RELCH: variants seen among roughly 807,000 people sequenced by gnomAD.
The protein encoded by RELCH is RAB11-binding protein RELCH.
RELCH carries 41 observed loss-of-function variants against 150.3 expected under a neutral mutation model. The observed-to-expected ratio is 0.27, with a 90% CI of 0.21 to 0.35. RELCH has a LOEUF of 0.35. RELCH is among the 10% of genes least tolerant of loss of function. RELCH has a pLI of 1.00. For synonymous variants in RELCH, 478 were observed against 531.8 expected (o/e 0.90, Z 1.39); for missense variants, 1,092 against 1,467.8 (o/e 0.74, Z 4.18).
At chr18:62,260,417 G>A (rs941984677) in intron 15 of RELCH, among the ~76,000 whole-genome samples, 1 of 151,022 alleles carries the variant, frequency 6.6e-6, no homozygotes, top group African/African-American at 2.4e-5. Flanking sequence ...TGGAGAAAGG[G>A]GAACCTTCGT....
At chr18:62,283,648 A>G (rs2044641320) in intron 25 of RELCH, among the ~76,000 whole-genome samples, 1 of 152,146 alleles carries the variant, frequency 6.6e-6, no homozygotes, top group South Asian at 2.1e-4. Flanking sequence ...ATTTTTTTTC[A>G]CTAGGTAAGT....
intron 10 of RELCH, among the ~76,000 whole-genome samples, chr18:62,235,664 T>G (rs2041842146): frequency 6.6e-6 from 1 of 152,056 alleles, no homozygotes; most frequent in African/African-American, 2.4e-5. Flanking sequence ...CTTTCACTTC[T>G]TTGGCTAAAT....
chr18:62,187,875 C>T lies in RELCH; in HGVS notation c.370C>T (p.Leu124=), dbSNP rs1378248173. The T allele has an allele frequency of 6.3e-7, 1 of 1,593,166 alleles. No individual in the cohort carries two copies. The highest frequency in any genetic ancestry group is 1.8e-5 in the Admixed American group (1 of 55,742). ...CGAGCTGTTAGAGAGTGGCCGGGAGCTGCCTCGGCTGCGCGACTACTTCTC... is the reference window on the plus strand; with the variant it reads ...CGAGCTGTTAGAGAGTGGCCGGGAGTTGCCTCGGCTGCGCGACTACTTCTC... The part of the protein sequence containing the change: ...HTELLESGRE[L]PRLRDYFSNP... The change falls in exon 1 of 29, where the codon CTG becomes TTG. Residue 124 remains leucine, a synonymous_variant. Transcript: ENST00000644646.
intron 15 of RELCH, among the ~76,000 whole-genome samples, chr18:62,260,969 T>A (rs1412592530): frequency 6.6e-6 from 1 of 151,970 alleles, no homozygotes; most frequent in Non-Finnish European, 1.5e-5. Context: ...TTCTAGTGTT[T>A]GATAGCACAG....
intron 1 of RELCH, among the ~76,000 whole-genome samples, chr18:62,195,171 A>T (rs576793193): frequency 6.6e-6 from 1 of 152,288 alleles, no homozygotes; most frequent in African/African-American, 2.4e-5. Context: ...AGGAAATCTC[A>T]GTTTTGGATA....
At position 62,258,696 on chromosome 18, in the gene RELCH, A is replaced by G; in HGVS notation, c.2202+20A>G. 5.2e-6 allele frequency: 8 copies of G among 1,535,236 alleles called. No individual in the cohort carries two copies. The highest frequency in any genetic ancestry group is 7.0e-6 in the Non-Finnish European group (8 of 1,137,530). On this transcript the variant is annotated intron_variant, in intron 15 of 28. Coordinates refer to ENST00000644646, the MANE Select transcript of RELCH (RefSeq NM_001346231.2). ...CTCAGGGTAAGTTCTTCTTTTGTTT[A>G]TATAGTTTGTAGAAACTTAAAAGGT...
At chr18:62,215,054 C>T (rs138036740) in intron 2 of RELCH, among the ~76,000 whole-genome samples, 95 of 152,230 alleles carry the variant, frequency 6.2e-4, no homozygotes, top group Non-Finnish European at 1.0e-3. Context: ...TCTGAACATA[C>T]GTTTTCAATC....
Position 62,188,006 on chromosome 18 carries a change from T to C in RELCH, c.501T>C (p.Ser167=), listed in dbSNP as rs746165377. Residue 167 remains serine (S), a synonymous_variant, in exon 1 of 29, where the codon AGT becomes AGC. Transcript: ENST00000644646. Reference sequence around the variant, plus strand: ...GGGGCGCTGGAGGTCGGGAACCGAGTACAGCGTCGGGCGGGGGACAGCTCA... The same window carrying C: ...GGGGCGCTGGAGGTCGGGAACCGAGCACAGCGTCGGGCGGGGGACAGCTCA... ...GVGGAGGREP[S]TASGGGQLNR... is the part of the protein sequence containing the mutation. 1.9e-6 allele frequency: 3 copies of C among 1,588,100 alleles called. No homozygotes were observed. The highest frequency in any genetic ancestry group is 2.6e-6 in the Non-Finnish European group (3 of 1,167,388).
intron 11 of RELCH, among the ~76,000 whole-genome samples, chr18:62,245,574 C>A (rs889217666): frequency 6.6e-6 from 1 of 152,006 alleles, no homozygotes; most frequent in Non-Finnish European, 1.5e-5. Context: ...TGCAAATGAG[C>A]CAAGAACATG....
At chr18:62,275,113 C>T (rs1332105746) in intron 21 of RELCH, among the ~76,000 whole-genome samples, 2 of 152,144 alleles carry the variant, frequency 1.3e-5, no homozygotes, top group Non-Finnish European at 2.9e-5. Context: ...GACAGGGTTT[C>T]ACCATGTTGG....
intron 26 of RELCH, among the ~76,000 whole-genome samples, chr18:62,288,490 T>C (rs1276176130): frequency 1.3e-5 from 2 of 152,028 alleles, no homozygotes; most frequent in African/African-American, 2.4e-5. Context: ...ATAAACCAAA[T>C]AGAGAAAGTA....
chr18:62,196,131 C>T (rs113266382), intron 1 of RELCH, among the ~76,000 whole-genome samples: 10,172 of 152,304 alleles, frequency 0.067, 408 homozygotes, highest in Middle Eastern at 0.15. Context: ...CTTTTCATCC[C>T]TTCTACTTTA....
chr18:62,229,097 A>T (rs2148417803), intron 8 of RELCH, among the ~76,000 whole-genome samples: 1 of 152,228 alleles, frequency 6.6e-6, no homozygotes, highest in African/African-American at 2.4e-5. Context: ...CGCAGATGAC[A>T]AAAACCATGG....
chr18:62,255,615 G>T (rs1263354527), intron 13 of RELCH, 137 bp downstream of exon 13: 2 of 674,832 alleles, frequency 3.0e-6, no homozygotes, highest in Non-Finnish European at 5.1e-6. Context: ...ATCCAAAAAA[G>T]AGACTCACAT....
intron 1 of RELCH, among the ~76,000 whole-genome samples, chr18:62,200,264 C>T (rs1430699242): frequency 6.6e-6 from 1 of 152,122 alleles, no homozygotes; most frequent in Non-Finnish European, 1.5e-5. Flanking sequence ...TTATTGTTAT[C>T]CCTGTATATG....
intron 27 of RELCH, among the ~76,000 whole-genome samples, chr18:62,295,318 G>GTT (rs201022051): frequency 0.036 from 4,532 of 127,386 alleles, 99 homozygotes; most frequent in Non-Finnish European, 0.058. Flanking sequence ...AGCCTGGTGT[G>GTT]TTTTTTTTTT....
At chr18:62,293,656 T>G (rs2045266496) in intron 27 of RELCH, among the ~76,000 whole-genome samples, 1 of 152,112 alleles carries the variant, frequency 6.6e-6, no homozygotes, top group South Asian at 2.1e-4. Flanking sequence ...CAGTCTTGTT[T>G]AAGAAACAGT....
intron 10 of RELCH, among the ~76,000 whole-genome samples, chr18:62,240,622 T>C (rs1216821447): frequency 6.6e-6 from 1 of 152,008 alleles, no homozygotes; most frequent in East Asian, 1.9e-4. Context: ...TTGCCCAGGC[T>C]GGTTTCGAAT....
rs759036753 is a variant in RELCH, at chr18:62,227,634, A to C, written c.1099A>C (p.Ser367Arg). Residue 367 changes from serine to arginine, a missense_variant, in exon 7 of 29, where the codon AGT (serine) becomes CGT (arginine). Transcript: ENST00000644646. ...MLVQKLEDKI[S>R]LLNSEKWSLM... ...AGTACAGAAATTAGAAGATAAAATT[A>C]GTTTGTTAAATAGTGAGAAATGGTC... The C allele has an allele frequency of 3.8e-6, 6 of 1,571,102 alleles. No individual in the cohort carries two copies. Among genetic ancestry groups the C allele is most frequent in the Non-Finnish European group, 4.4e-6 (5 of 1,147,020 alleles).
Sources: gnomAD v4.1 joint callset for allele counts (sites outside exome capture counted in the v4.1 genomes callset) on GRCh38, gnomAD v4.1.1 for gene constraint, MANE v1.5 for transcripts, NCBI Gene and HGNC (gene_info 2026-07-23, HGNC 2026-07-21) for gene names.